The following COL15A1 variants were observed in gnomAD, a reference collection of about 807,000 sequenced individuals.
COL15A1 encodes the protein collagen type XV alpha 1 chain.
Under a neutral mutation model 165.9 loss-of-function variants are expected in COL15A1, and 111 were observed. That is an observed-to-expected ratio of 0.67 (90% CI 0.57 to 0.78). The LOEUF (loss-of-function observed/expected upper bound fraction) is 0.78. Ranked by LOEUF, COL15A1 falls within the 30% of genes least tolerant of loss-of-function variation. COL15A1 has a pLI of 0.00. For missense variants in COL15A1, 1,745 were observed against 1,789.7 expected, an observed-to-expected ratio of 0.98 and a Z score of 0.45; for synonymous variants, 659 against 674.8, an observed-to-expected ratio of 0.98 and a Z score of 0.36.
intron 40 of COL15A1, 59 bp downstream of exon 40, chr9:99,067,126 A>G: frequency 6.9e-7 from 1 of 1,441,520 alleles, no homozygotes; most frequent in Non-Finnish European, 9.5e-7. Context: ...CAGGGCCTGG[A>G]GGCAGTTTTC....
chr9:98,996,817 C>T (rs1838552944), intron 5 of COL15A1, 117 bp from the exon 6 acceptor site: 1 of 1,467,796 alleles, frequency 6.8e-7, no homozygotes, highest in Non-Finnish European at 9.2e-7. Flanking sequence ...GCCAAGCTTT[C>T]CCCTTGGTTT....
chr9:99,056,327 C>A lies in COL15A1; in HGVS notation c.3260C>A (p.Pro1087His). The A allele has an allele frequency of 6.2e-7, 1 of 1,614,026 alleles. No individual in the cohort carries two copies. Residue 1087 changes from proline (P) to histidine (H), a missense_variant, in exon 35 of 42, where the codon CCT (proline) becomes CAT (histidine). Pro to His is a moderately conservative substitution (Grantham distance 77). Transcript: ENST00000375001. ...GGTGCTCCTGGTCTGCCTGGGCCAC[C>A]TGGCTTTGGAAGACCTGGTGATCCT... ...PPGAPGLPGP[P>H]GFGRPGDPGP...
intron 39 of COL15A1, 57 bp from the exon 40 acceptor site, chr9:99,066,825 T>C: frequency 6.6e-7 from 1 of 1,505,432 alleles, no homozygotes; most frequent in African/African-American, 1.4e-5. Context: ...GAGATGGTTC[T>C]GGGGGCTGGA....
intron 31 of COL15A1, among the ~76,000 whole-genome samples, chr9:99,053,618 C>T (rs1384084399): frequency 6.6e-6 from 1 of 152,224 alleles, no homozygotes; most frequent in African/African-American, 2.4e-5. Flanking sequence ...TGTCTGTGGG[C>T]TCAGTGTGGG....
intron 36 of COL15A1, among the ~76,000 whole-genome samples, chr9:99,060,918 A>G (rs1825805948): frequency 6.6e-6 from 1 of 152,146 alleles, no homozygotes; most frequent in South Asian, 2.1e-4. Context: ...AAAGCCCAAG[A>G]GCATAAACAA....
chr9:98,979,231 C>T (rs62561174), intron 2 of COL15A1, among the ~76,000 whole-genome samples: 2 of 151,974 alleles, frequency 1.3e-5, no homozygotes, highest in East Asian at 3.9e-4. Flanking sequence ...AATTCATAGA[C>T]GTATGACTGC....
In COL15A1 at chr9:99,063,207, T is replaced by A. The variant is rs1169757364; in HGVS notation, c.3651+98T>A. 3.0e-6 allele frequency: 4 copies of A among 1,334,214 alleles called. No homozygotes were observed. In the African/African-American group the frequency reaches 6.2e-5, roughly 21 times the overall value. 82.6% of individuals were successfully genotyped at this position (1,334,214 alleles called of 1,614,324 possible). On this transcript the variant is annotated intron_variant, in intron 39 of 41. Coordinates refer to ENST00000375001, the MANE Select transcript of COL15A1 (RefSeq NM_001855.5). ...TACACAGTTCCTACCATCATGATAC[T>A]TATAGACTAGTGAGAGAGGCAAACA...
intron 2 of COL15A1, among the ~76,000 whole-genome samples, chr9:98,961,554 T>G (rs1273381287): frequency 6.6e-6 from 1 of 152,174 alleles, no homozygotes; most frequent in Non-Finnish European, 1.5e-5. Flanking sequence ...AGAGACAGCC[T>G]GAATGTGGCT....
At chr9:99,013,857 G>C (rs1838885516) in intron 9 of COL15A1, among the ~76,000 whole-genome samples, 1 of 152,120 alleles carries the variant, frequency 6.6e-6, no homozygotes, top group African/African-American at 2.4e-5. Flanking sequence ...GCCTCCTCTA[G>C]GTTTTTATTG....
intron 6 of COL15A1, 146 bp from the exon 7 acceptor site, chr9:99,000,690 TATG>T (rs1405902864): frequency 3.2e-6 from 2 of 615,938 alleles, no homozygotes; most frequent in African/African-American, 3.8e-5. Flanking sequence ...CTTTGCCATG[TATG>T]TTGTTCTGCA....
At chr9:99,056,971 T>C (rs145486454) in intron 35 of COL15A1, among the ~76,000 whole-genome samples, 1 of 152,386 alleles carries the variant, frequency 6.6e-6, no homozygotes, top group African/African-American at 2.4e-5. Context: ...TTGGGTTGTT[T>C]CTACTTTTTG....
intron 31 of COL15A1, among the ~76,000 whole-genome samples, chr9:99,052,855 G>A (rs1165632249): frequency 6.6e-6 from 1 of 152,180 alleles, no homozygotes; most frequent in Non-Finnish European, 1.5e-5. Context: ...ACTAAGAGCT[G>A]ATCAGGGAAG....
Position 99,069,980 on chromosome 9 carries a change from A to ATTT in COL15A1, c.*94_*95insTTT. The ATTT allele has an allele frequency of 1.5e-6, 1 of 679,484 alleles. No homozygotes were observed. Among genetic ancestry groups the ATTT allele is most frequent in the African/African-American group, 5.9e-5 (1 of 16,992 alleles). The allele number at this position is 679,484 out of a possible 1,614,324, so 42.1% of individuals were successfully genotyped here. On this transcript the variant is annotated 3_prime_UTR_variant, in exon 42 of 42. Coordinates refer to ENST00000375001, the MANE Select transcript of COL15A1 (RefSeq NM_001855.5). Reference sequence around the variant, plus strand: ...AATGTTTAATTGTTGTAAATATTACAGTTTTTTTTTTTTACTACATATTCT... The same window carrying ATTT: ...AATGTTTAATTGTTGTAAATATTACATTTGTTTTTTTTTTTTACTACATATTCT...
chr9:98,997,061 A>T lies in COL15A1; in HGVS notation c.932A>T (p.Gln311Leu), dbSNP rs1436068281. Reference protein sequence around the residue: ...TLETTNMSIIQHSSPKQGSGE... With the variant: ...TLETTNMSIILHSSPKQGSGE... ...GAAACCACCAACATGAGCATCATCC[A>T]GCACAGCAGCCCCAAACAAGGCAAG... The change falls in exon 6 of 42, where the codon CAG (glutamine) becomes CTG (leucine). Residue 311 changes from glutamine (Q) to leucine (L), a missense_variant. Coordinates refer to ENST00000375001, the MANE Select transcript of COL15A1 (RefSeq NM_001855.5). 6.2e-7 allele frequency: 1 copy of T among 1,614,220 alleles called. No homozygotes were observed. Among genetic ancestry groups the T allele is most frequent in the South Asian group, 1.1e-5 (1 of 91,082 alleles).
At chr9:99,069,267 G>A (rs1345451910) in intron 41 of COL15A1, among the ~76,000 whole-genome samples, 1 of 152,232 alleles carries the variant, frequency 6.6e-6, no homozygotes, top group Non-Finnish European at 1.5e-5. Flanking sequence ...TGTAAGTGGA[G>A]AAACAGGTAC....
chr9:98,951,325 T>A (rs1268024346), intron 2 of COL15A1, among the ~76,000 whole-genome samples: 1 of 152,226 alleles, frequency 6.6e-6, no homozygotes, highest in Non-Finnish European at 1.5e-5. Context: ...GTTGGACAGT[T>A]CTTACTATGT....
chr9:99,035,141 G>A lies in COL15A1; in HGVS notation c.2207G>A (p.Gly736Glu). The A allele has an allele frequency of 1.3e-6, 2 of 1,596,240 alleles. No individual in the cohort carries two copies. Among genetic ancestry groups the A allele is most frequent in the Non-Finnish European group, 1.7e-6 (2 of 1,173,708 alleles). Residue 736 changes from glycine (G) to glutamate (E), a missense_variant, in exon 18 of 42, where the codon GGA becomes GAA. Physicochemically the swap from Gly to Glu is moderately conservative, Grantham distance 98 (BLOSUM62 -2). Coordinates refer to ENST00000375001, the MANE Select transcript of COL15A1 (RefSeq NM_001855.5). ...CCCCCAGGCCCTGGATGCACAATGG[G>A]ACTTGGATTCGAGGTACTTTTCCCC... ...PGPPGPGCTM[G>E]LGFEDTEGSG...
At chr9:99,060,062 G>T in intron 36 of COL15A1, 109 bp downstream of exon 36, 1 of 1,171,176 alleles carries the variant, frequency 8.5e-7, no homozygotes, top group Non-Finnish European at 1.2e-6. Flanking sequence ...AGGCCTTCAT[G>T]ATAGTAGGCT....
At chr9:99,066,487 C>T (rs550198213) in intron 39 of COL15A1, among the ~76,000 whole-genome samples, 112 of 152,212 alleles carry the variant, frequency 7.4e-4, no homozygotes, top group African/African-American at 2.7e-3. Flanking sequence ...AGGGCCAAAG[C>T]CAGCTTAAAA....
Sources: gnomAD v4.1 joint callset for allele counts (sites outside exome capture counted in the v4.1 genomes callset) on GRCh38, gnomAD v4.1.1 for gene constraint, MANE v1.5 for transcripts, NCBI Gene and HGNC (gene_info 2026-07-23, HGNC 2026-07-21) for gene names.